The following HRH2 variants were observed in gnomAD, a reference collection of about 807,000 sequenced individuals.
The protein encoded by HRH2 is histamine H2 receptor.
A neutral mutation model predicts 20.1 loss-of-function variants in HRH2; 4 were observed. The observed-to-expected ratio is 0.20, with a 90% CI of 0.10 to 0.45. The LOEUF (loss-of-function observed/expected upper bound fraction) is 0.45, where lower values mean the gene tolerates loss of function less well. Among genes scored for constraint, HRH2 ranks in the 20% least tolerant of loss-of-function variants. The pLI, the probability that HRH2 is intolerant of heterozygous loss-of-function variation, is 0.99. For synonymous variants in HRH2, 197 were observed against 200.7 expected (o/e 0.98, Z 0.16); for missense variants, 250 against 461.6 (o/e 0.54, Z 4.20).
chr5:175,683,007 C>T lies in HRH2; in HGVS notation c.-227C>T. 2 of 544,420 alleles carry T rather than the reference C, an allele frequency of 3.7e-6. No homozygotes were observed. The highest frequency in any genetic ancestry group is 5.9e-5 in the East Asian group (2 of 33,648). The allele number at this position is 544,420 out of a possible 1,614,324, so 33.7% of individuals were successfully genotyped here. A position where few individuals can be genotyped will look rare whatever the true frequency, so the allele number is the denominator to read the frequency against. On this transcript the variant is annotated 5_prime_UTR_variant, in exon 2 of 3. Transcript: ENST00000636584. ...TCTCTCTTCTTCATTCATATTCATTCCCAACACCTTAGAAGGTGTTGCTTA... is the reference window on the plus strand; with the variant it reads ...TCTCTCTTCTTCATTCATATTCATTTCCAACACCTTAGAAGGTGTTGCTTA...
rs1383418282 is a variant in HRH2, at chr5:175,686,597, C to T, written c.1076+2288C>T. Among the ~76,000 whole-genome samples, 1 of 152,244 alleles carries T rather than the reference C, an allele frequency of 6.6e-6. No homozygotes were observed. Among genetic ancestry groups the T allele is most frequent in the Non-Finnish European group, 1.5e-5 (1 of 68,044 alleles). ...CTGACTGGTCAGATTCAGAGCCACA[C>T]ATGCCAAGGATTGAAGCCCAGATGG... On this transcript the variant is annotated intron_variant, in intron 2 of 2. Coordinates refer to ENST00000636584, the MANE Select transcript of HRH2 (RefSeq NM_001367711.1). The surrounding 1 kb of genome is among the most constrained non-coding windows in gnomAD (Gnocchi z 4.7).
chr5:175,686,394 G>A lies in HRH2; in HGVS notation c.1076+2085G>A, dbSNP rs1031130289. Among the ~76,000 whole-genome samples, 59 of 152,194 alleles carry A rather than the reference G, an allele frequency of 3.9e-4. No homozygotes were observed. Among genetic ancestry groups the A allele is most frequent in the Admixed American group, 3.2e-3 (49 of 15,280 alleles). On this transcript the variant is annotated intron_variant, in intron 2 of 2. Transcript: ENST00000636584. This position sits in a 1 kb window ranked among gnomAD's most constrained non-coding sequence, Gnocchi z 4.7. ...TTAACAACAATAGCTAACATTCATT[G>A]AGCATCCACTACTGGCCCGTTTCAG...
chr5:175,707,404 T>A (rs1376642992), intron 2 of HRH2, among the ~76,000 whole-genome samples: 1 of 152,208 alleles, frequency 6.6e-6, no homozygotes, highest in Non-Finnish European at 1.5e-5. Context: ...CCCTCCAGCC[T>A]GGGCAACAGA....
intron 2 of HRH2, 161 bp downstream of exon 2, chr5:175,684,470 C>A: frequency 1.9e-6 from 1 of 536,998 alleles, no homozygotes; most frequent in Non-Finnish European, 2.4e-6. Flanking sequence ...CTCCCAACGG[C>A]CCCCAAAGGT....
rs1755956748 is a variant in HRH2 at position 175,681,253 on chromosome 5, CTG to C, written c.-525-1455_-525-1454del. On this transcript the variant is annotated intron_variant, in intron 1 of 2. Coordinates refer to ENST00000636584, the MANE Select transcript of HRH2 (RefSeq NM_001367711.1). The surrounding 1 kb of genome is among the most constrained non-coding windows in gnomAD (Gnocchi z 4.3). Reference sequence around the variant, plus strand: ...GAGGTTCAGCTGCCAGGACTGGTGGCTGAGCCAGGGAGCGTGGCAGAAGGTGA... The same window carrying C: ...GAGGTTCAGCTGCCAGGACTGGTGGCAGCCAGGGAGCGTGGCAGAAGGTGA... Among the ~76,000 whole-genome samples, 1 of 152,148 alleles carries C rather than the reference CTG, an allele frequency of 6.6e-6. No homozygotes were observed. Among genetic ancestry groups the C allele is most frequent in the East Asian group, 1.9e-4 (1 of 5,204 alleles).
At position 175,684,227 on chromosome 5, in the gene HRH2, C is replaced by G. The variant is rs1756088661; in HGVS notation, c.994C>G (p.Pro332Ala). The G allele has an allele frequency of 6.2e-7, 1 of 1,614,184 alleles. No homozygotes were observed. The change falls in exon 2 of 3, where the codon CCC becomes GCC. Residue 332 changes from proline to alanine, a missense_variant. Coordinates refer to ENST00000636584, the MANE Select transcript of HRH2 (RefSeq NM_001367711.1). Reference sequence around the variant, plus strand: ...GCTGTCCAGGACCCAAAGCCGAGAACCCAGGCAACAGGAAGAGAAACCCCT... The same window carrying G: ...GCTGTCCAGGACCCAAAGCCGAGAAGCCAGGCAACAGGAAGAGAAACCCCT... ...SQLSRTQSRE[P>A]RQQEEKPLKL...
In HRH2 at chr5:175,708,313, G is replaced by A. The variant is rs2382070; in HGVS notation, c.*342G>A. ...GTGTGCATGGGTGCATACGTGTAGG[G>A]ACGTGCATGACCTCTGAGCAAGGCA... On this transcript the variant is annotated 3_prime_UTR_variant, in exon 3 of 3. Transcript: ENST00000636584. 0.097 allele frequency: 19,964 copies of A among 205,426 alleles called. 1,145 individuals carry two copies. The highest frequency in any genetic ancestry group is 0.17 in the African/African-American group (7,219 of 43,734). 12.7% of individuals were successfully genotyped at this position (205,426 alleles called of 1,614,324 possible).
At chr5:175,690,158 C>T (rs1177084548) in intron 2 of HRH2, among the ~76,000 whole-genome samples, 2 of 152,182 alleles carry the variant, frequency 1.3e-5, no homozygotes, top group East Asian at 3.8e-4. Flanking sequence ...GTGCACTTTG[C>T]ATTACACCCA....
intron 1 of HRH2, among the ~76,000 whole-genome samples, chr5:175,674,532 A>G (rs1755690890): frequency 6.6e-6 from 1 of 151,362 alleles, no homozygotes. Flanking sequence ...GAGCTGGAGG[A>G]CACACGTCTC....
rs1755795355 is a variant in HRH2 at position 175,677,356 on chromosome 5, T to C, written c.-525-5353T>C. On this transcript the variant is annotated intron_variant, in intron 1 of 2. Coordinates refer to ENST00000636584, the MANE Select transcript of HRH2 (RefSeq NM_001367711.1). The surrounding 1 kb of genome is among the most constrained non-coding windows in gnomAD (Gnocchi z 4.2). ...GATTCCATATCTTAGCTACTGTGAATAGTGCTGTGAAAAACATGAGCTCAG... is the reference window on the plus strand; with the variant it reads ...GATTCCATATCTTAGCTACTGTGAACAGTGCTGTGAAAAACATGAGCTCAG... 6.6e-6 allele frequency among the ~76,000 whole-genome samples: 1 copy of C among 152,220 alleles called. No individual in the cohort carries two copies. The highest frequency in any genetic ancestry group is 2.4e-5 in the African/African-American group (1 of 41,444).
At chr5:175,669,371 T>C (rs1755435122) in intron 1 of HRH2, among the ~76,000 whole-genome samples, 1 of 150,926 alleles carries the variant, frequency 6.6e-6, no homozygotes, top group South Asian at 2.1e-4. Flanking sequence ...TTTCTTTTTT[T>C]TTTTTTTTTT....
At chr5:175,689,336 GACTT>G (rs562872563) in intron 2 of HRH2, among the ~76,000 whole-genome samples, 259 of 136,604 alleles carry the variant, frequency 1.9e-3, no homozygotes, top group African/African-American at 6.9e-3. Flanking sequence ...TCCCCCTCTT[GACTT>G]ACTTATCCTA....
At chr5:175,666,159 C>T (rs904080657) in intron 1 of HRH2, among the ~76,000 whole-genome samples, 14 of 152,130 alleles carry the variant, frequency 9.2e-5, no homozygotes, top group African/African-American at 3.4e-4. Context: ...GGATCTGAGA[C>T]CCCAGGACCA....
chr5:175,696,422 A>G (rs1756579571), intron 2 of HRH2, among the ~76,000 whole-genome samples: 1 of 151,964 alleles, frequency 6.6e-6, no homozygotes, highest in African/African-American at 2.4e-5. Flanking sequence ...GCCACCCTGG[A>G]CTTCTCAAGG....
intron 2 of HRH2, among the ~76,000 whole-genome samples, chr5:175,696,299 C>T (rs1756574650): frequency 6.6e-6 from 1 of 152,228 alleles, no homozygotes; most frequent in Non-Finnish European, 1.5e-5. Flanking sequence ...CAGTCCAGGA[C>T]TTGGGAGACC....
chr5:175,683,233 G>A lies in HRH2; in HGVS notation c.-1G>A, dbSNP rs1231425625. 6.2e-7 allele frequency: 1 copy of A among 1,613,104 alleles called. No homozygotes were observed. The highest frequency in any genetic ancestry group is 8.5e-7 in the Non-Finnish European group (1 of 1,179,252). The stretch of plus-strand genomic sequence containing the variant: ...AGGGGACTGAGCCGTAGAGTCCCAG[G>A]ATGGCACCCAATGGCACAGCCTCTT... On this transcript the variant is annotated 5_prime_UTR_variant, in exon 2 of 3. Coordinates refer to ENST00000636584, the MANE Select transcript of HRH2 (RefSeq NM_001367711.1).
intron 2 of HRH2, among the ~76,000 whole-genome samples, chr5:175,705,788 A>T (rs1292015967): frequency 6.6e-6 from 1 of 151,756 alleles, no homozygotes; most frequent in Admixed American, 6.6e-5. Context: ...TCAGCCTCCC[A>T]AGTAGCTGGG....
At position 175,658,105 on chromosome 5, in the gene HRH2, G is replaced by T. The variant is rs1762619474; in HGVS notation, c.-576G>T. ...CCCGGAGCGCAGCCGGCGCGGGCGC[G>T]GGACCGAGGCGAACCGGGTGCGGAG... On this transcript the variant is annotated 5_prime_UTR_variant, in exon 1 of 3. Transcript: ENST00000636584. 6.6e-6 allele frequency: 1 copy of T among 151,830 alleles called. No individual in the cohort carries two copies. The highest frequency in any genetic ancestry group is 6.6e-5 in the Admixed American group (1 of 15,226). 9.4% of individuals were successfully genotyped at this position (151,830 alleles called of 1,614,324 possible).
intron 1 of HRH2, among the ~76,000 whole-genome samples, chr5:175,662,607 G>A (rs143175525): frequency 4.6e-5 from 7 of 152,198 alleles, no homozygotes; most frequent in Non-Finnish European, 8.8e-5. Flanking sequence ...CTTCCCCTCT[G>A]CCCCCACCCC....
Sources: gnomAD v4.1 joint callset for allele counts (sites outside exome capture counted in the v4.1 genomes callset) on GRCh38, gnomAD v4.1.1 for gene constraint, Gnocchi (gnomAD v3.1) non-coding constraint, MANE v1.5 for transcripts, NCBI Gene and HGNC (gene_info 2026-07-23, HGNC 2026-07-21) for gene names.